The following LTF variants were observed in gnomAD, a reference collection of about 807,000 sequenced individuals.
LTF encodes epididymis luminal protein 110.
Under a neutral mutation model 87.2 loss-of-function variants are expected in LTF, and 91 were observed. That is an observed-to-expected ratio of 1.04 (90% CI 0.88 to 1.24). The LOEUF is 1.24. LTF is among the 50% of genes most tolerant of loss of function. LTF has a pLI of 0.00. For missense variants in LTF, 901 were observed against 904.3 expected, an observed-to-expected ratio of 1.00 and a Z score of 0.05; for synonymous variants, 378 against 356.1, an observed-to-expected ratio of 1.06 and a Z score of -0.69.
At chr3:46,443,249 G>C (rs1300288172) in intron 13 of LTF, among the ~76,000 whole-genome samples, 192 bp downstream of exon 13, 1 of 152,224 alleles carries the variant, frequency 6.6e-6, no homozygotes, top group Admixed American at 6.5e-5. Flanking sequence ...AGACAGCCCT[G>C]GTGCCAGCCT....
chr3:46,468,903 C>G (rs554600894), upstream of LTF, among the ~76,000 whole-genome samples: 11 of 152,304 alleles, frequency 7.2e-5, no homozygotes, highest in African/African-American at 2.6e-4. Flanking sequence ...TTAGCAAATG[C>G]TCTAAATCAG....
At chr3:46,482,659 AGAAGGAAGGAAGGAAGGAAGGAAG>A (rs1206921702) in intron 1 of LTF, among the ~76,000 whole-genome samples, 1 of 60,268 alleles carries the variant, frequency 1.7e-5, no homozygotes, top group Non-Finnish European at 3.2e-5. Flanking sequence ...AAAGAAAGAA[AGAAGGAAGGAAGGAAGGAAGGAAG>A]GAAGGAAGGA....
intron 1 of LTF, among the ~76,000 whole-genome samples, chr3:46,479,916 T>G (rs1703410845): frequency 6.6e-6 from 1 of 152,236 alleles, no homozygotes; most frequent in South Asian, 2.1e-4. Context: ...TCATGGGATT[T>G]GCTTACATTA....
At chr3:46,483,813 T>TA (rs1391462996) in intron 1 of LTF, among the ~76,000 whole-genome samples, 117 of 151,302 alleles carry the variant, frequency 7.7e-4, no homozygotes, top group African/African-American at 2.2e-4. Context: ...TTATTTAGTT[T>TA]AAAAAAAAAC....
In LTF at chr3:46,464,811, G is replaced by T. The variant is rs2106908227; in HGVS notation, c.43+14C>A. 1.2e-6 allele frequency: 2 copies of T among 1,613,922 alleles called. No homozygotes were observed. Among genetic ancestry groups the T allele is most frequent in the East Asian group, 4.5e-5 (2 of 44,864 alleles). ...CCCATCAGGCGGCTCGCGCCCCCAG[G>T]CACCTGCACTCACCGAGGGCCCCGA... On this transcript the variant is annotated intron_variant, in intron 1 of 16. Coordinates refer to ENST00000231751, the MANE Select transcript of LTF (RefSeq NM_002343.6).
chr3:46,461,110 T>C (rs151146074), intron 1 of LTF, among the ~76,000 whole-genome samples: 10 of 152,372 alleles, frequency 6.6e-5, no homozygotes, highest in African/African-American at 1.9e-4. Flanking sequence ...CGAAATATCA[T>C]TTCACAGCCA....
rs1260333999 is a variant in LTF, at chr3:46,438,013, T to C, written c.2025A>G (p.Lys675=). The C allele has an allele frequency of 6.2e-7, 1 of 1,614,120 alleles. No individual in the cohort carries two copies. The highest frequency in any genetic ancestry group is 1.7e-5 in the Admixed American group (1 of 60,010). Residue 675 remains lysine, a synonymous_variant, in exon 16 of 17, where the codon AAA becomes AAG. Transcript: ENST00000231751. ...GTCCCAAATATTTTTCATATGTTGT[T>C]TTGCCATGGAGTCTGGCCAGACACT... is the stretch of plus-strand genomic sequence containing the variant. The part of the protein sequence containing the change: ...NTECLARLHG[K]TTYEKYLGPQ...
Position 46,455,319 on chromosome 3 carries a change from T to C in LTF, c.623A>G (p.Tyr208Cys), listed in dbSNP as rs563622677. Residue 208 changes from tyrosine to cysteine, a missense_variant, in exon 5 of 17, where the codon TAC becomes TGC. Tyr to Cys is a radical substitution (Grantham distance 194). Coordinates refer to ENST00000231751, the MANE Select transcript of LTF (RefSeq NM_002343.6). ...CTTGAAGGCACCAGAGTAGCTGAAGTACGGTTCCTGGGAGGAGAAGGCACA... is the reference window on the plus strand; with the variant it reads ...CTTGAAGGCACCAGAGTAGCTGAAGCACGGTTCCTGGGAGGAGAAGGCACA... The part of the protein sequence containing the change: ...NKCAFSSQEP[Y>C]FSYSGAFKCL... 2.5e-6 allele frequency: 4 copies of C among 1,614,204 alleles called. No individual in the cohort carries two copies. The highest frequency in any genetic ancestry group is 3.4e-6 in the Non-Finnish European group (4 of 1,180,030).
chr3:46,471,370 G>T (rs1263791672), intron 1 of LTF, among the ~76,000 whole-genome samples: 2 of 152,106 alleles, frequency 1.3e-5, no homozygotes, highest in Non-Finnish European at 2.9e-5. Context: ...TGTCTATACG[G>T]GTTATGGATG....
intron 1 of LTF, among the ~76,000 whole-genome samples, chr3:46,479,762 A>G (rs1362949258): frequency 6.6e-6 from 1 of 152,154 alleles, no homozygotes; most frequent in African/African-American, 2.4e-5. Flanking sequence ...TCCTGACTTC[A>G]AGTGATCTAC....
chr3:46,445,842 G>A (rs1203991709), intron 11 of LTF, among the ~76,000 whole-genome samples: 2 of 152,224 alleles, frequency 1.3e-5, no homozygotes, highest in Non-Finnish European at 1.5e-5. Flanking sequence ...CATCCAGCCA[G>A]CTAACGGCTG....
At chr3:46,456,471 C>G in intron 2 of LTF, 73 bp from the exon 3 acceptor site, 2 of 1,219,648 alleles carry the variant, frequency 1.6e-6, no homozygotes, top group South Asian at 2.5e-5. Context: ...TTCAGGACCT[C>G]AAAAAGTCTC....
Position 46,449,951 on chromosome 3 carries a change from C to G in LTF, c.960G>C (p.Lys320Asn), listed in dbSNP as rs572780496. 1 of 1,614,190 alleles carries G rather than the reference C, an allele frequency of 6.2e-7. No individual in the cohort carries two copies. Among genetic ancestry groups the G allele is most frequent in the South Asian group, 1.1e-5 (1 of 91,084 alleles). The change falls in exon 8 of 17, where the codon AAG (lysine) becomes AAC (asparagine). Residue 320 changes from lysine to asparagine, a missense_variant. Coordinates refer to ENST00000231751, the MANE Select transcript of LTF (RefSeq NM_002343.6). ...CCCTCGAAAACCCAATGGCAGAGTCCTTGAACAGCAGATCTTTCTGCCCAC... is the reference window on the plus strand; with the variant it reads ...CCCTCGAAAACCCAATGGCAGAGTCGTTGAACAGCAGATCTTTCTGCCCAC... ...SPSGQKDLLF[K>N]DSAIGFSRVP... is the part of the protein sequence containing the mutation.
intron 5 of LTF, 137 bp downstream of exon 5, chr3:46,455,158 A>G: frequency 1.9e-6 from 2 of 1,043,940 alleles, no homozygotes; most frequent in Non-Finnish European, 2.9e-6. Flanking sequence ...CTCTCTTTGG[A>G]CACACAGCAG....
At chr3:46,482,655 AGAAAGAAGGAAGGAAG>A (rs1481008194) in intron 1 of LTF, among the ~76,000 whole-genome samples, 919 of 87,098 alleles carry the variant, frequency 0.011, 54 homozygotes, top group Non-Finnish European at 0.016. Context: ...AAAGAAAGAA[AGAAAGAAGGAAGGAAG>A]GAAGGAAGGA....
At chr3:46,454,598 CT>C (rs2106876773) in intron 5 of LTF, among the ~76,000 whole-genome samples, 1 of 152,308 alleles carries the variant, frequency 6.6e-6, no homozygotes, top group East Asian at 1.9e-4. Context: ...GAGGACAAAA[CT>C]TTTTTCTATA....
chr3:46,482,707 A>G (rs56821881), intron 1 of LTF, among the ~76,000 whole-genome samples: 6,074 of 100,898 alleles, frequency 0.06, 503 homozygotes, highest in East Asian at 0.17. Flanking sequence ...AAGGAAGGAA[A>G]GAAAGAAAGA....
chr3:46,436,379 C>T (rs999661206), intron 16 of LTF, 150 bp from the exon 17 acceptor site: 3 of 723,720 alleles, frequency 4.1e-6, no homozygotes, highest in Admixed American at 2.2e-5. Flanking sequence ...ATTCCCACTC[C>T]CCTACTCCTA....
At chr3:46,477,537 A>T (rs529991931) in intron 1 of LTF, among the ~76,000 whole-genome samples, 10 of 152,354 alleles carry the variant, frequency 6.6e-5, no homozygotes, top group African/African-American at 2.4e-4. Context: ...AGATCTAGCC[A>T]CGTCATTCAG....
Sources: gnomAD v4.1 joint callset for allele counts (sites outside exome capture counted in the v4.1 genomes callset) on GRCh38, gnomAD v4.1.1 for gene constraint, MANE v1.5 for transcripts, NCBI Gene and HGNC (gene_info 2026-07-23, HGNC 2026-07-21) for gene names.